Variants in HDX observed in about 807,000 individuals in gnomAD.
HDX encodes the protein chromosome X open reading frame 43.
A neutral mutation model predicts 45.2 loss-of-function variants in HDX; 19 were observed. That is an observed-to-expected ratio of 0.42 (90% confidence interval 0.29 to 0.62). The LOEUF (loss-of-function observed/expected upper bound fraction) is 0.62. Ranked by LOEUF, HDX falls within the 20% of genes least tolerant of loss-of-function variation. The probability of loss-of-function intolerance (pLI) is 0.20; values close to 1 mark genes in which losing one functional copy is unlikely to be tolerated. For missense variants in HDX, 532 were observed against 493.9 expected (o/e 1.08, Z -0.73); for synonymous variants, 188 against 172.8 (o/e 1.09, Z -0.69).
chrX:84,487,509 T>C (rs192009493), intron 2 of HDX, among the ~76,000 whole-genome samples: 1 of 112,451 alleles, frequency 8.9e-6, no homozygotes, highest in African/African-American at 3.2e-5. Flanking sequence ...AGTTTTGAAA[T>C]CCTTTTCTGT....
chrX:84,491,901 T>C (rs905923191), intron 1 of HDX, among the ~76,000 whole-genome samples: 1 of 111,741 alleles, frequency 8.9e-6, no homozygotes, highest in Non-Finnish European at 1.9e-5. Flanking sequence ...GTTTCTTTAT[T>C]GTGGTTCTTT....
At chrX:84,351,505 C>T (rs775474632) in intron 6 of HDX, among the ~76,000 whole-genome samples, 203 of 111,236 alleles carry the variant, frequency 1.8e-3, no homozygotes, top group African/African-American at 6.5e-3. Context: ...TGGTATTTGG[C>T]TGGAGTAAAG....
intron 2 of HDX, among the ~76,000 whole-genome samples, chrX:84,483,876 A>G (rs1171224380): frequency 9.0e-6 from 1 of 111,569 alleles, no homozygotes; most frequent in African/African-American, 3.3e-5. Flanking sequence ...AGTTTCACAG[A>G]TCTTTAGGGA....
At chrX:84,384,315 C>T (rs1295949446) in intron 5 of HDX, among the ~76,000 whole-genome samples, 3 of 111,286 alleles carry the variant, frequency 2.7e-5, no homozygotes, top group Non-Finnish European at 5.7e-5. Flanking sequence ...AGCATTTTTT[C>T]ATGTTTTTGT....
At chrX:84,492,417 C>A (rs2040909465) in intron 1 of HDX, among the ~76,000 whole-genome samples, 1 of 110,413 alleles carries the variant, frequency 9.1e-6, no homozygotes, top group Non-Finnish European at 1.9e-5. Context: ...CTTTAGGAGT[C>A]TGGATACCTC....
chrX:84,493,823 T>C (rs1278901536), intron 1 of HDX, among the ~76,000 whole-genome samples: 2 of 111,434 alleles, frequency 1.8e-5, no homozygotes, highest in East Asian at 5.6e-4. Flanking sequence ...GTCAAAATAA[T>C]TTAATTATAT....
At chrX:84,384,289 C>G (rs777088755) in intron 5 of HDX, among the ~76,000 whole-genome samples, 17 of 111,611 alleles carry the variant, frequency 1.5e-4, no homozygotes, top group Non-Finnish European at 3.0e-4. Context: ...TTGCATTTCT[C>G]TGATGATTAT....
chrX:84,439,163 TCAA>T (rs955872988), intron 5 of HDX, among the ~76,000 whole-genome samples: 1 of 112,004 alleles, frequency 8.9e-6, no homozygotes, highest in Non-Finnish European at 1.9e-5. Context: ...CTAGTGATGT[TCAA>T]CGTTTTTTTC....
chrX:84,331,624 T>G (rs1192335491), intron 9 of HDX, among the ~76,000 whole-genome samples: 1 of 111,473 alleles, frequency 9.0e-6, no homozygotes. Context: ...AACGTTTCAG[T>G]CAACAATGTG....
intron 5 of HDX, among the ~76,000 whole-genome samples, chrX:84,402,635 G>T: frequency 9.0e-6 from 1 of 111,246 alleles, no homozygotes; most frequent in East Asian, 2.8e-4. Context: ...GTGTAAAGCT[G>T]CTATAATCAT....
chrX:84,324,391 C>T lies in HDX; in HGVS notation c.1947+1787G>A, dbSNP rs969989533. ...ATGATGTAAAGATCAGTAGTTTAAG[C>T]GATTACCTAGATAACTTTTTTGGAC... On this transcript the variant is annotated intron_variant, in intron 10 of 10. Transcript: ENST00000373177. 3.6e-5 allele frequency among the ~76,000 whole-genome samples: 4 copies of T among 111,353 alleles called. No homozygotes were observed. The East Asian group carries it at 1.1e-3, about 31-fold the overall frequency.
chrX:84,408,504 T>C (rs1426776478), intron 5 of HDX, among the ~76,000 whole-genome samples: 1 of 94,863 alleles, frequency 1.1e-5, no homozygotes, highest in African/African-American at 3.9e-5. Flanking sequence ...GCTTTGTTTT[T>C]TTTTTTTTTT....
At position 84,328,217 on chromosome X, in the gene HDX, C is replaced by T. The variant is rs190088798; in HGVS notation, c.1825-1917G>A. 5.7e-4 allele frequency among the ~76,000 whole-genome samples: 59 copies of T among 104,042 alleles called. No individual in the cohort carries two copies. In the Middle Eastern group the frequency reaches 0.02, roughly 35 times the overall value. The allele number at this position is 104,042 out of a possible 115,157, so 90.3% of individuals were successfully genotyped here. ...CTACCAAAAAAATATATATATATAG[C>T]CTGACATGGTATGGTGTGGTGGCAT... is the stretch of plus-strand genomic sequence containing the variant. On this transcript the variant is annotated intron_variant, in intron 9 of 10. Coordinates refer to ENST00000373177, the MANE Select transcript of HDX (RefSeq NM_001177479.2).
chrX:84,408,695 G>C (rs1449467551), intron 5 of HDX, among the ~76,000 whole-genome samples: 3 of 109,281 alleles, frequency 2.7e-5, no homozygotes, highest in Non-Finnish European at 5.7e-5. Flanking sequence ...CTATCCATGA[G>C]AGTGGAAGAT....
intron 4 of HDX, among the ~76,000 whole-genome samples, chrX:84,441,113 C>G (rs773634589): frequency 3.2e-4 from 35 of 110,732 alleles, no homozygotes; most frequent in African/African-American, 9.5e-4. Flanking sequence ...TAAAATAAAA[C>G]AGTTATGACA....
chrX:84,481,443 C>A (rs1165015933), intron 2 of HDX, among the ~76,000 whole-genome samples: 1 of 111,332 alleles, frequency 9.0e-6, no homozygotes. Flanking sequence ...GGATCCAGTG[C>A]TCATTGTTAG....
chrX:84,403,285 GTTAAA>G (rs1337332436), intron 5 of HDX, among the ~76,000 whole-genome samples: 1 of 110,884 alleles, frequency 9.0e-6, no homozygotes, highest in Admixed American at 9.7e-5. Context: ...AAAAATAAAG[GTTAAA>G]TGAAATGTCT....
chrX:84,471,987 G>A (rs921921424), intron 3 of HDX, among the ~76,000 whole-genome samples: 1 of 110,157 alleles, frequency 9.1e-6, no homozygotes, highest in Non-Finnish European at 1.9e-5. Flanking sequence ...ATATTTGTAC[G>A]TAATCTTTAC....
intron 6 of HDX, among the ~76,000 whole-genome samples, chrX:84,353,690 T>C (rs1246234298): frequency 2.7e-5 from 3 of 111,638 alleles, no homozygotes; most frequent in African/African-American, 6.5e-5. Context: ...GTCCCTGAGA[T>C]TGTTACTGGC....
Sources: allele counts gnomAD v4.1 joint callset (sites outside exome capture counted in the v4.1 genomes callset), GRCh38; gene constraint gnomAD v4.1.1; transcripts MANE v1.5; gene names NCBI Gene and HGNC (gene_info 2026-07-23, HGNC 2026-07-21).